Variants in ZNF821 observed in about 807,000 individuals in gnomAD.
ZNF821 encodes zinc finger protein 821.
Under a neutral mutation model 44.3 loss-of-function variants are expected in ZNF821, and 16 were observed. The observed-to-expected ratio is 0.36, with a 90% CI of 0.24 to 0.55. The LOEUF is 0.55. ZNF821 is among the 20% of genes least tolerant of loss of function. The pLI is 0.86. For missense variants in ZNF821, 436 were observed against 547.6 expected, an observed-to-expected ratio of 0.80 and a Z score of 2.03; for synonymous variants, 204 against 197.6, an observed-to-expected ratio of 1.03 and a Z score of -0.27.
chr16:71,860,201 G>A lies in ZNF821; in HGVS notation c.1056C>T (p.Leu352=). ...RLIREREAKR[L]KRRLEKMDMM... ...TGTCCATTTTCTCCAGCCTCCTCTT[G>A]AGCCGCTTGGCCTCTCGCTCTCGGA... The change falls in exon 8 of 8, where the codon CTC becomes CTT. Residue 352 remains leucine, a synonymous_variant. Coordinates refer to ENST00000425432, the MANE Select transcript of ZNF821 (RefSeq NM_001201552.2). This position sits in a 1 kb window ranked among gnomAD's most constrained non-coding sequence, Gnocchi z 7.3. 6.2e-7 allele frequency: 1 copy of A among 1,614,180 alleles called. No homozygotes were observed. The highest frequency in any genetic ancestry group is 1.1e-5 in the South Asian group (1 of 91,084).
Position 71,860,836 on chromosome 16 carries a change from G to A in ZNF821, c.585-164C>T, listed in dbSNP as rs1287350445. The stretch of plus-strand genomic sequence containing the variant: ...TTCTGCTGCTCCATCCCTTCTCTTC[G>A]CGTGAGAGTTGTCTACCAACTTTTT... On this transcript the variant is annotated intron_variant, in intron 7 of 7. Coordinates refer to ENST00000425432, the MANE Select transcript of ZNF821 (RefSeq NM_001201552.2). The surrounding 1 kb of genome is among the most constrained non-coding windows in gnomAD (Gnocchi z 7.3). 2.0e-5 allele frequency among the ~76,000 whole-genome samples: 3 copies of A among 149,946 alleles called. No homozygotes were observed. Among genetic ancestry groups the A allele is most frequent in the African/African-American group, 4.9e-5 (2 of 40,994 alleles).
Position 71,871,541 on chromosome 16 carries a change from A to G in ZNF821, c.41-3504T>C, listed in dbSNP as rs549590615. On this transcript the variant is annotated intron_variant, in intron 3 of 7. Coordinates refer to ENST00000425432, the MANE Select transcript of ZNF821 (RefSeq NM_001201552.2). Reference sequence around the variant, plus strand: ...TCATGTTAACTGCCGTATAATGTCTAATGTGATCTATGGAGATACTAGTGA... The same window carrying G: ...TCATGTTAACTGCCGTATAATGTCTGATGTGATCTATGGAGATACTAGTGA... 2.6e-5 allele frequency among the ~76,000 whole-genome samples: 4 copies of G among 152,334 alleles called. No homozygotes were observed. In the South Asian group the frequency reaches 8.3e-4, roughly 32 times the overall value.
In ZNF821 at chr16:71,884,167, C is replaced by CGCGCGGCTCGCGCACCCGCAGCTAGTGAG. The variant is rs2036729791; in HGVS notation, c.-401_-400insCTCACTAGCTGCGGGTGCGCGAGCCGCGC. On this transcript the variant is annotated 5_prime_UTR_variant, in exon 1 of 8. Coordinates refer to ENST00000425432, the MANE Select transcript of ZNF821 (RefSeq NM_001201552.2). ...AAGATGGCGACGCGGGCGGCGGGAG[C>CGCGCGGCTCGCGCACCCGCAGCTAGTGAG]GCGCGGCTCGCGCACCCGCAGCTAG... 1 of 152,046 alleles carries CGCGCGGCTCGCGCACCCGCAGCTAGTGAG rather than the reference C, an allele frequency of 6.6e-6. No homozygotes were observed. Among genetic ancestry groups the CGCGCGGCTCGCGCACCCGCAGCTAGTGAG allele is most frequent in the Non-Finnish European group, 1.5e-5 (1 of 68,020 alleles). 9.4% of individuals were successfully genotyped at this position (152,046 alleles called of 1,614,324 possible).
At chr16:71,886,645 T>C (rs1254230515), upstream of ZNF821, among the ~76,000 whole-genome samples, 1 of 152,244 alleles carries the variant, frequency 6.6e-6, no homozygotes, top group Non-Finnish European at 1.5e-5. Flanking sequence ...AAGAACCTCA[T>C]GTTACATTTT....
At chr16:71,884,996 T>C (rs141172351), upstream of ZNF821, among the ~76,000 whole-genome samples, 310 of 152,042 alleles carry the variant, frequency 2.0e-3, 2 homozygotes, top group African/African-American at 7.0e-3. Context: ...TAGCTGGGAC[T>C]ACAGGCGTGC....
At chr16:71,864,792 A>G in intron 5 of ZNF821, 111 bp downstream of exon 5, 1 of 1,364,480 alleles carries the variant, frequency 7.3e-7, no homozygotes. Flanking sequence ...CCTCCCATGC[A>G]GGCCCAGGAG....
At chr16:71,893,107 G>T (rs1221576087) in intron 1 of ZNF821, among the ~76,000 whole-genome samples, 1 of 133,440 alleles carries the variant, frequency 7.5e-6, no homozygotes, top group Non-Finnish European at 1.5e-5. Context: ...TCGGCTCACT[G>T]CAATCTCTAT....
At chr16:71,875,620 A>AT (rs1162592451) in intron 3 of ZNF821, among the ~76,000 whole-genome samples, 2 of 151,628 alleles carry the variant, frequency 1.3e-5, no homozygotes, top group Admixed American at 1.3e-4. Context: ...CGCCCGGCTA[A>AT]TTTTTTGTTT....
rs1243033318 is a variant in ZNF821, at chr16:71,859,913, A to G, written c.*105T>C. ...CAATAAACCCAGGCCTGCCTCTGGCAGCAAGGACAGGGCCTCGTGGGTGGC... is the reference window on the plus strand; with the variant it reads ...CAATAAACCCAGGCCTGCCTCTGGCGGCAAGGACAGGGCCTCGTGGGTGGC... On this transcript the variant is annotated 3_prime_UTR_variant, in exon 8 of 8. Coordinates refer to ENST00000425432, the MANE Select transcript of ZNF821 (RefSeq NM_001201552.2). 20 of 1,295,820 alleles carry G rather than the reference A, an allele frequency of 1.5e-5. No individual in the cohort carries two copies. The highest frequency in any genetic ancestry group is 1.9e-5 in the Non-Finnish European group (19 of 975,420). The allele number at this position is 1,295,820 out of a possible 1,614,324, so 80.3% of individuals were successfully genotyped here.
intron 3 of ZNF821, among the ~76,000 whole-genome samples, chr16:71,872,721 G>A (rs75992633): frequency 2.0e-5 from 3 of 152,324 alleles, no homozygotes; most frequent in East Asian, 1.9e-4. Context: ...TGTAATCCAC[G>A]GTGCTATCCA....
At chr16:71,888,512 C>G (rs1203809888), upstream of ZNF821, among the ~76,000 whole-genome samples, 1 of 152,042 alleles carries the variant, frequency 6.6e-6, no homozygotes, top group Non-Finnish European at 1.5e-5. Flanking sequence ...TTCTTAGCAC[C>G]ATTTGTTGTA....
chr16:71,878,257 G>A (rs541171075), intron 3 of ZNF821, among the ~76,000 whole-genome samples: 134 of 151,568 alleles, frequency 8.8e-4, no homozygotes, highest in Middle Eastern at 3.4e-3. Context: ...GATTATAGGT[G>A]CCTGCCACCA....
chr16:71,870,486 C>CTTT (rs5817794), intron 3 of ZNF821, among the ~76,000 whole-genome samples: 2,117 of 136,600 alleles, frequency 0.015, 31 homozygotes, highest in Middle Eastern at 0.027. Flanking sequence ...TGGTACTTTC[C>CTTT]TTTTTTTTTT....
chr16:71,860,380 G>T lies in ZNF821; in HGVS notation c.877C>A (p.Arg293=). The change falls in exon 8 of 8, where the codon CGG becomes AGG. Residue 293 remains arginine, a synonymous_variant. Transcript: ENST00000425432. This position sits in a 1 kb window ranked among gnomAD's most constrained non-coding sequence, Gnocchi z 7.3. The part of the protein sequence containing the change: ...SRRDNETPEE[R]EVRRMRDREA... Reference sequence around the variant, plus strand: ...CGGTCCCTCATGCGCCTCACCTCCCGCTCCTCGGGGGTCTCATTGTCCCGC... The same window carrying T: ...CGGTCCCTCATGCGCCTCACCTCCCTCTCCTCGGGGGTCTCATTGTCCCGC... 1 of 1,611,750 alleles carries T rather than the reference G, an allele frequency of 6.2e-7. No homozygotes were observed. Among genetic ancestry groups the T allele is most frequent in the Non-Finnish European group, 8.5e-7 (1 of 1,180,014 alleles).
chr16:71,875,133 T>C (rs182344767), intron 3 of ZNF821, among the ~76,000 whole-genome samples: 7 of 152,274 alleles, frequency 4.6e-5, no homozygotes, highest in Admixed American at 2.0e-4. Flanking sequence ...GTAAAGGCCC[T>C]TGTAATGGCC....
intron 5 of ZNF821, 154 bp downstream of exon 5, chr16:71,864,749 G>C: frequency 1.2e-6 from 1 of 856,580 alleles, no homozygotes; most frequent in South Asian, 1.8e-5. Flanking sequence ...CTGAGAGTCT[G>C]AGGTGTGGGT....
chr16:71,888,435 G>GTTT (rs2036869953), upstream of ZNF821, among the ~76,000 whole-genome samples: 2 of 151,720 alleles, frequency 1.3e-5, no homozygotes, highest in African/African-American at 4.8e-5. Flanking sequence ...TTTTGAGTTA[G>GTTT]TTTTTGCATA....
At chr16:71,894,915 G>C in exon 1 of ZNF821, 1 of 1,218,776 alleles carries the variant, frequency 8.2e-7, no homozygotes. Context: ...AATCGCCAGA[G>C]ACTGTGGTGC....
chr16:71,875,325 A>T (rs1241631530), intron 3 of ZNF821, among the ~76,000 whole-genome samples: 1 of 152,008 alleles, frequency 6.6e-6, no homozygotes, highest in African/African-American at 2.4e-5. Context: ...TCCGTCGCCC[A>T]GGCTGGAGTG....
Sources: allele counts gnomAD v4.1 joint callset (sites outside exome capture counted in the v4.1 genomes callset), GRCh38; gene constraint gnomAD v4.1.1; non-coding constraint Gnocchi (gnomAD v3.1); transcripts MANE v1.5; gene names NCBI Gene and HGNC (gene_info 2026-07-23, HGNC 2026-07-21).